The following RBFOX1 variants were observed in gnomAD, a reference collection of about 807,000 sequenced individuals.
RBFOX1 encodes RNA binding protein fox-1 homolog 1.
RBFOX1 carries 8 observed loss-of-function variants against 57.7 expected under a neutral mutation model. The observed-to-expected ratio is 0.14, with a 90% confidence interval of 0.08 to 0.25. The LOEUF (loss-of-function observed/expected upper bound fraction) is 0.25. RBFOX1 is among the 10% of genes least tolerant of loss of function. The probability of loss-of-function intolerance (pLI) is 1.00; values close to 1 mark genes in which losing one functional copy is unlikely to be tolerated. For synonymous variants in RBFOX1, 326 were observed against 222.4 expected (o/e 1.47, Z -4.15); for missense variants, 611 against 548.5 (o/e 1.11, Z -1.14).
rs202226687 is a variant in RBFOX1, at chr16:6,685,273, CT to C, written c.-16+30643del. Among the ~76,000 whole-genome samples the C allele has an allele frequency of 6.8e-4, 76 of 111,598 alleles. No individual in the cohort carries two copies. The South Asian group carries it at 0.015, about 22-fold the overall frequency. The allele number at this position is 111,598 out of a possible 152,430, so 73.2% of individuals were successfully genotyped here. A position where few individuals can be genotyped will look rare whatever the true frequency, so the allele number is the denominator to read the frequency against. ...GTGTACTAAGAGAGGGAGAGTTTTT[CT>C]TTTTTTTTTTTTTTTTTTTGAGATG... is the stretch of plus-strand genomic sequence containing the variant. On this transcript the variant is annotated intron_variant, in intron 3 of 15. Transcript: ENST00000550418.
intron 4 of RBFOX1, among the ~76,000 whole-genome samples, chr16:7,376,512 T>C (rs750216396): frequency 2.0e-5 from 3 of 152,176 alleles, no homozygotes; most frequent in Non-Finnish European, 4.4e-5. Flanking sequence ...TTACCACAGC[T>C]CTGTGTCTGT....
At chr16:6,940,330 G>A (rs1446878896) in intron 3 of RBFOX1, among the ~76,000 whole-genome samples, 2 of 152,210 alleles carry the variant, frequency 1.3e-5, no homozygotes, top group African/African-American at 4.8e-5. Context: ...TAGGTTTTGG[G>A]AGATGCTTAA....
chr16:7,693,265 C>T (rs1416684908), intron 14 of RBFOX1: 14 of 1,532,528 alleles, frequency 9.1e-6, no homozygotes, highest in African/African-American at 1.4e-5. Flanking sequence ...TGGCAGAGAG[C>T]ACATTTCCCC....
intron 3 of RBFOX1, among the ~76,000 whole-genome samples, chr16:6,943,623 G>C (rs1437720103): frequency 1.3e-5 from 2 of 151,852 alleles, no homozygotes; most frequent in Non-Finnish European, 2.9e-5. Flanking sequence ...CAGGAGAATG[G>C]CGTGAACCCG....
chr16:7,628,315 ACT>A (rs2060397959), intron 10 of RBFOX1, among the ~76,000 whole-genome samples: 1 of 152,046 alleles, frequency 6.6e-6, no homozygotes. Flanking sequence ...CGACCTGATA[ACT>A]CTCTGTATAT....
chr16:7,193,806 T>A (rs559597432), intron 4 of RBFOX1, among the ~76,000 whole-genome samples: 1 of 152,126 alleles, frequency 6.6e-6, no homozygotes, highest in Non-Finnish European at 1.5e-5. Flanking sequence ...CTAGAAGATA[T>A]TATGGTAATG....
intron 1 of RBFOX1, among the ~76,000 whole-genome samples, chr16:5,367,646 C>T (rs2065755269): frequency 6.6e-6 from 1 of 152,230 alleles, no homozygotes; most frequent in South Asian, 2.1e-4. Flanking sequence ...TAAATGCCTG[C>T]TCTGTGCCAA....
chr16:5,618,200 C>T (rs565859835), intron 3 of RBFOX1, among the ~76,000 whole-genome samples: 6 of 152,264 alleles, frequency 3.9e-5, no homozygotes, highest in Admixed American at 6.5e-5. Context: ...AAATTTTGTT[C>T]GTTTCTGAGA....
At chr16:6,468,123 C>T (rs1214399572) in intron 2 of RBFOX1, among the ~76,000 whole-genome samples, 1 of 152,134 alleles carries the variant, frequency 6.6e-6, no homozygotes, top group African/African-American at 2.4e-5. Flanking sequence ...TTCTTGAAGT[C>T]AGCCCTTTAC....
intron 14 of RBFOX1, among the ~76,000 whole-genome samples, chr16:7,708,321 C>T (rs893144526): frequency 2.0e-5 from 3 of 152,074 alleles, no homozygotes; most frequent in Non-Finnish European, 4.4e-5. Flanking sequence ...CCATTTTTAT[C>T]CTAAAGCCTA....
intron 4 of RBFOX1, among the ~76,000 whole-genome samples, chr16:5,994,096 C>T (rs146296891): frequency 7.9e-5 from 12 of 152,270 alleles, no homozygotes; most frequent in African/African-American, 2.9e-4. Flanking sequence ...GCTCGTTCGA[C>T]TCTCTCTGTT....
At chr16:5,819,987 C>T (rs1356499484) in intron 3 of RBFOX1, among the ~76,000 whole-genome samples, 2 of 152,192 alleles carry the variant, frequency 1.3e-5, no homozygotes, top group Non-Finnish European at 2.9e-5. Context: ...AAGCCAACAT[C>T]CCCCACCAGA....
intron 2 of RBFOX1, among the ~76,000 whole-genome samples, chr16:6,563,152 C>T (rs1455536385): frequency 2.0e-5 from 3 of 152,058 alleles, no homozygotes; most frequent in Non-Finnish European, 4.4e-5. Flanking sequence ...TCAGGTGGTT[C>T]CTGTGTTGTC....
chr16:5,459,642 C>T (rs1045337017), intron 1 of RBFOX1, among the ~76,000 whole-genome samples: 7 of 152,100 alleles, frequency 4.6e-5, no homozygotes, highest in South Asian at 2.1e-4. Flanking sequence ...TAATAAGAAT[C>T]GTCCTTCACC....
At position 5,752,569 on chromosome 16, in the gene RBFOX1, C is replaced by T. The variant is rs77154429; in HGVS notation, c.319-114734C>T. Among the ~76,000 whole-genome samples the T allele has an allele frequency of 5.2e-3, 791 of 152,270 alleles. 13 individuals carry two copies. Among genetic ancestry groups the T allele is most frequent in the African/African-American group, 0.018 (759 of 41,552 alleles). On this transcript the variant is annotated intron_variant, in intron 3 of 19. Transcript: ENST00000641259. ...TCCAGAAAATAAATTGCTTCATGGGCCATAGGATCTTATTTTCTCCCTTCA... is the reference window on the plus strand; with the variant it reads ...TCCAGAAAATAAATTGCTTCATGGGTCATAGGATCTTATTTTCTCCCTTCA...
chr16:5,496,513 G>A (rs1230210572), intron 2 of RBFOX1, among the ~76,000 whole-genome samples: 1 of 151,912 alleles, frequency 6.6e-6, no homozygotes, highest in African/African-American at 2.4e-5. Context: ...CTCATCTCTC[G>A]GTCGTACTCC....
chr16:5,265,580 G>T (rs182529366), intron 1 of RBFOX1, among the ~76,000 whole-genome samples: 2 of 152,314 alleles, frequency 1.3e-5, no homozygotes, highest in East Asian at 1.9e-4. Context: ...ACAATAAAAT[G>T]CTGATCAATA....
chr16:7,172,913 C>G (rs746149846), intron 4 of RBFOX1, among the ~76,000 whole-genome samples: 7 of 152,170 alleles, frequency 4.6e-5, no homozygotes, highest in Non-Finnish European at 7.3e-5. Context: ...AAGGAAGAGA[C>G]TTGAATATCC....
At chr16:6,847,436 G>A (rs2093815999) in intron 3 of RBFOX1, among the ~76,000 whole-genome samples, 1 of 151,980 alleles carries the variant, frequency 6.6e-6, no homozygotes, top group African/African-American at 2.4e-5. Context: ...TTGGTGCTCT[G>A]TCATCATCTT....
Sources: gnomAD v4.1 joint callset for allele counts (sites outside exome capture counted in the v4.1 genomes callset) on GRCh38, gnomAD v4.1.1 for gene constraint, MANE v1.5 for transcripts, NCBI Gene and HGNC (gene_info 2026-07-23, HGNC 2026-07-21) for gene names.